Variants in MORC1 observed in about 807,000 individuals in gnomAD.
MORC1 encodes MORC family CW-type zinc finger 1, also known as MORC family CW-type zinc finger protein 1.
A neutral mutation model predicts 134.9 loss-of-function variants in MORC1; 59 were observed. The observed-to-expected ratio is 0.44, with a 90% confidence interval of 0.35 to 0.54. MORC1 has a LOEUF of 0.54. Among genes scored for constraint, MORC1 ranks in the 20% least tolerant of loss-of-function variants. MORC1 has a pLI of 0.00. For synonymous variants in MORC1, 395 were observed against 391.7 expected (o/e 1.01, Z -0.10); for missense variants, 947 against 1,134.5 (o/e 0.83, Z 2.37).
At chr3:109,102,107 C>T (rs1185372371) in intron 4 of MORC1, among the ~76,000 whole-genome samples, 1 of 152,076 alleles carries the variant, frequency 6.6e-6, no homozygotes, top group African/African-American at 2.4e-5. Context: ...GTGAAGAAAA[C>T]AAAACCAGGG....
At chr3:108,989,659 A>C (rs535905119) in intron 21 of MORC1, among the ~76,000 whole-genome samples, 68 of 152,074 alleles carry the variant, frequency 4.5e-4, no homozygotes, top group Non-Finnish European at 8.8e-4. Context: ...CTCCACACCT[A>C]CTTCAAGCAC....
intron 17 of MORC1, among the ~76,000 whole-genome samples, chr3:109,017,250 C>G (rs980779823): frequency 6.6e-6 from 1 of 152,270 alleles, no homozygotes; most frequent in South Asian, 2.1e-4. Flanking sequence ...TACTTGCATA[C>G]TTAATTTAAT....
At chr3:109,083,686 A>G (rs1950564615) in intron 8 of MORC1, among the ~76,000 whole-genome samples, 1 of 152,214 alleles carries the variant, frequency 6.6e-6, no homozygotes, top group Admixed American at 6.5e-5. Context: ...CCCTGATACC[A>G]AAACCAGACA....
chr3:109,004,919 T>A (rs748447107), intron 19 of MORC1, 31 bp from the exon 20 acceptor site: 2 of 1,592,310 alleles, frequency 1.3e-6, no homozygotes, highest in African/African-American at 1.4e-5. Context: ...GAAAAAAAAA[T>A]TAGAAATTGG....
At chr3:109,016,934 A>T (rs1034694022) in intron 17 of MORC1, among the ~76,000 whole-genome samples, 1 of 152,208 alleles carries the variant, frequency 6.6e-6, no homozygotes. Context: ...TATTTCTTCA[A>T]TTTTACTGGC....
intron 14 of MORC1, 60 bp downstream of exon 14, chr3:109,054,668 A>G: frequency 7.4e-7 from 1 of 1,353,080 alleles, no homozygotes. Context: ...GTCAGCTTAA[A>G]GAAATCACAG....
chr3:108,980,416 C>T (rs1417294863), intron 23 of MORC1, among the ~76,000 whole-genome samples: 4 of 152,164 alleles, frequency 2.6e-5, no homozygotes, highest in African/African-American at 9.7e-5. Context: ...AACTCAACTG[C>T]CCAGTAGATA....
chr3:109,107,493 T>TA (rs1267031857), intron 3 of MORC1, among the ~76,000 whole-genome samples: 1 of 151,882 alleles, frequency 6.6e-6, no homozygotes, highest in Non-Finnish European at 1.5e-5. Context: ...TAGTAAGCAC[T>TA]AAAAAAAAGT....
intron 14 of MORC1, among the ~76,000 whole-genome samples, chr3:109,053,303 G>A (rs963430292): frequency 3.9e-5 from 6 of 152,000 alleles, no homozygotes; most frequent in Non-Finnish European, 7.4e-5. Context: ...TTGTTCTACC[G>A]AAAGGACACA....
At chr3:108,982,974 T>C (rs1947787461) in intron 23 of MORC1, among the ~76,000 whole-genome samples, 1 of 151,872 alleles carries the variant, frequency 6.6e-6, no homozygotes, top group Non-Finnish European at 1.5e-5. Flanking sequence ...AGATTGTTTT[T>C]CGTGGACTGT....
At chr3:109,047,873 TGAGAATATAATTTTTTGA>T (rs1949731224) in intron 14 of MORC1, among the ~76,000 whole-genome samples, 2 of 152,106 alleles carry the variant, frequency 1.3e-5, no homozygotes, top group African/African-American at 4.8e-5. Context: ...CATAATAGAA[TGAGAATATAATTTTTTGA>T]ACTCCTAAGG....
chr3:108,964,894 C>T lies in MORC1; in HGVS notation c.2605-1286G>A, dbSNP rs962971073. Among the ~76,000 whole-genome samples, 9 of 152,162 alleles carry T rather than the reference C, an allele frequency of 5.9e-5. No individual in the cohort carries two copies. In the South Asian group the frequency reaches 8.3e-4, roughly 14 times the overall value. The stretch of plus-strand genomic sequence containing the variant: ...TGGGTAAATCCTGCCTTGAAATCCA[C>T]GCCACATTTCAAGATCCTGGAAGGG... On this transcript the variant is annotated intron_variant, in intron 26 of 27. Transcript: ENST00000232603.
chr3:108,984,679 C>T lies in MORC1; in HGVS notation c.2324+37G>A, dbSNP rs201342080. The T allele has an allele frequency of 1.2e-5, 17 of 1,388,108 alleles. 1 individual carries two copies. In the East Asian group the frequency reaches 4.2e-4, roughly 34 times the overall value. 86.0% of individuals were successfully genotyped at this position (1,388,108 alleles called of 1,614,324 possible). ...TAATTACTTTTCAGCAGGATAATTG[C>T]ACTCACTTGGAATTTGTATAACTGT... On this transcript the variant is annotated intron_variant, in intron 23 of 27. Coordinates refer to ENST00000232603, the MANE Select transcript of MORC1 (RefSeq NM_014429.4).
intron 3 of MORC1, among the ~76,000 whole-genome samples, chr3:109,105,031 C>T (rs1461080688): frequency 2.6e-5 from 4 of 152,174 alleles, no homozygotes; most frequent in African/African-American, 9.7e-5. Flanking sequence ...CACTGATATG[C>T]TTTCTGTCCC....
intron 27 of MORC1, among the ~76,000 whole-genome samples, chr3:108,960,559 T>C (rs377267103): frequency 6.6e-6 from 1 of 152,356 alleles, no homozygotes; most frequent in East Asian, 1.9e-4. Context: ...CAGGGCATTT[T>C]GCTTGTTGAC....
intron 14 of MORC1, among the ~76,000 whole-genome samples, chr3:109,040,059 A>C (rs1053479942): frequency 6.6e-6 from 1 of 152,050 alleles, no homozygotes; most frequent in African/African-American, 2.4e-5. Context: ...TTAAGTGTAT[A>C]GCTCAGGCTG....
Position 109,061,997 on chromosome 3 carries a change from A to G in MORC1, c.957T>C (p.Ser319=). 1 of 1,614,026 alleles carries G rather than the reference A, an allele frequency of 6.2e-7. No individual in the cohort carries two copies. Among genetic ancestry groups the G allele is most frequent in the East Asian group, 2.2e-5 (1 of 44,868 alleles). Residue 319 remains serine, a synonymous_variant, in exon 11 of 28, where the codon TCT becomes TCC. Coordinates refer to ENST00000232603, the MANE Select transcript of MORC1 (RefSeq NM_014429.4). ...TCTTTACATGTCGTACCTTGGCAGA[A>G]GATAAAGAGGTTCTGTCACACTGGT... ...KVNQCDRTSL[S]SAKDVLQRAL...
chr3:108,976,845 C>T (rs1947577664), intron 24 of MORC1, among the ~76,000 whole-genome samples: 1 of 152,016 alleles, frequency 6.6e-6, no homozygotes. Context: ...CTAGTGATGC[C>T]TAATGATAGA....
chr3:108,979,781 C>A (rs138048881), intron 23 of MORC1, 114 bp from the exon 24 acceptor site: 2 of 1,121,044 alleles, frequency 1.8e-6, no homozygotes, highest in Non-Finnish European at 2.5e-6. Flanking sequence ...CAAGAACATG[C>A]GTGTAATGCC....
Sources: allele counts gnomAD v4.1 joint callset (sites outside exome capture counted in the v4.1 genomes callset), GRCh38; gene constraint gnomAD v4.1.1; transcripts MANE v1.5; gene names NCBI Gene and HGNC (gene_info 2026-07-23, HGNC 2026-07-21).